SLCO1B3: variants seen among roughly 807,000 people sequenced by gnomAD.
SLCO1B3 encodes liver-specific organic anion transporter 2.
A neutral mutation model predicts 71.8 loss-of-function variants in SLCO1B3; 72 were observed. The ratio of observed to expected loss-of-function variants is 1.00; its 90% CI spans 0.83 to 1.22. The LOEUF (loss-of-function observed/expected upper bound fraction) is 1.22. Among genes scored for constraint, SLCO1B3 ranks in the 50% most tolerant of loss-of-function variants. SLCO1B3 has a pLI of 0.00. For missense variants in SLCO1B3, 911 were observed against 819.7 expected (o/e 1.11, Z -1.36); for synonymous variants, 298 against 278.4 (o/e 1.07, Z -0.70).
chr12:20,822,410 G>A (rs562040973), intron 3 of SLCO1B3, among the ~76,000 whole-genome samples: 1 of 152,222 alleles, frequency 6.6e-6, no homozygotes, highest in Non-Finnish European at 1.5e-5. Context: ...CGGTGGGGGA[G>A]CTTCTGAGCC....
At chr12:20,868,605 G>A (rs1306740922) in intron 8 of SLCO1B3, among the ~76,000 whole-genome samples, 2 of 152,026 alleles carry the variant, frequency 1.3e-5, no homozygotes, top group South Asian at 2.1e-4. Flanking sequence ...CCACAGATTT[G>A]GTGGGTCTCT....
chr12:20,876,267 A>G (rs576296260), intron 9 of SLCO1B3, among the ~76,000 whole-genome samples: 2 of 152,244 alleles, frequency 1.3e-5, no homozygotes, highest in Non-Finnish European at 1.5e-5. Context: ...TTGAGAAGCA[A>G]TAATCAAGAG....
rs746996051 is a variant in SLCO1B3 at position 20,815,689 on chromosome 12, C to A, written c.-50C>A. On this transcript the variant is annotated 5_prime_UTR_variant, in exon 3 of 16. Transcript: ENST00000381545. The stretch of plus-strand genomic sequence containing the variant: ...TTTTTAACAGGTGATCATTTCAAAC[C>A]AAGCATCAGCAACAATTAAAAATAT... 2 of 1,212,252 alleles carry A rather than the reference C, an allele frequency of 1.6e-6. No individual in the cohort carries two copies. Among genetic ancestry groups the A allele is most frequent in the Admixed American group, 1.8e-5 (1 of 54,848 alleles). 75.1% of individuals were successfully genotyped at this position (1,212,252 alleles called of 1,614,324 possible).
intron 3 of SLCO1B3, among the ~76,000 whole-genome samples, chr12:20,849,116 A>C (rs1864971902): frequency 6.6e-6 from 1 of 152,020 alleles, no homozygotes; most frequent in South Asian, 2.1e-4. Flanking sequence ...TTTTTTTGTG[A>C]ATCTAAATTG....
intron 3 of SLCO1B3, chr12:20,845,059 A>G (rs1009867729): frequency 2.9e-5 from 10 of 344,230 alleles, no homozygotes; most frequent in South Asian, 1.0e-4. Context: ...CACCAGTTCT[A>G]TCCCTCTAAG....
chr12:20,815,745 C>A lies in SLCO1B3; in HGVS notation c.7C>A (p.Gln3Lys). 1.3e-6 allele frequency: 2 copies of A among 1,579,586 alleles called. No homozygotes were observed. Among genetic ancestry groups the A allele is most frequent in the Non-Finnish European group, 1.7e-6 (2 of 1,156,440 alleles). MD[Q>K]HQHLNKTAES... Reference sequence around the variant, plus strand: ...TGGTATCTGTAGTTTAATAATGGACCAACATCAACATTTGAATAAAACAGC... The same window carrying A: ...TGGTATCTGTAGTTTAATAATGGACAAACATCAACATTTGAATAAAACAGC... The change falls in exon 3 of 16, where the codon CAA becomes AAA. Residue 3 changes from glutamine to lysine, a missense_variant. Gln to Lys is a moderately conservative substitution (Grantham distance 53, BLOSUM62 1). Transcript: ENST00000381545.
chr12:20,844,145 ATG>A (rs915655493), intron 3 of SLCO1B3, among the ~76,000 whole-genome samples: 26 of 151,826 alleles, frequency 1.7e-4, no homozygotes, highest in African/African-American at 5.6e-4. Context: ...GTGTATATAT[ATG>A]TGTGTGTGTG....
intron 3 of SLCO1B3, among the ~76,000 whole-genome samples, chr12:20,842,039 G>A (rs1864815063): frequency 6.6e-6 from 1 of 152,024 alleles, no homozygotes; most frequent in South Asian, 2.1e-4. Context: ...GGGATTACAG[G>A]CACATGCCAC....
intron 8 of SLCO1B3, among the ~76,000 whole-genome samples, chr12:20,867,418 A>G (rs572896555): frequency 6.6e-6 from 1 of 151,758 alleles, no homozygotes; most frequent in African/African-American, 2.4e-5. Flanking sequence ...TTATGAAGAG[A>G]TTGTGGATAT....
chr12:20,820,218 A>G (rs1565576588), intron 3 of SLCO1B3, among the ~76,000 whole-genome samples: 1 of 152,120 alleles, frequency 6.6e-6, no homozygotes, highest in Non-Finnish European at 1.5e-5. Context: ...AGTTACCTAA[A>G]GCTCGGCGTC....
chr12:20,811,916 T>C (rs1864116309), intron 1 of SLCO1B3, among the ~76,000 whole-genome samples: 1 of 149,910 alleles, frequency 6.7e-6, no homozygotes, highest in Non-Finnish European at 1.5e-5. Flanking sequence ...TTTTTTTTTT[T>C]TTTTTTTTGA....
At position 20,916,444 on chromosome 12, in the gene SLCO1B3, T is replaced by G; in HGVS notation, c.*197T>G. 2.1e-6 allele frequency: 1 copy of G among 467,992 alleles called. No homozygotes were observed. Among genetic ancestry groups the G allele is most frequent in the Non-Finnish European group, 3.8e-6 (1 of 265,230 alleles). 29.0% of individuals were successfully genotyped at this position (467,992 alleles called of 1,614,324 possible). A position where few individuals can be genotyped will look rare whatever the true frequency, so the allele number is the denominator to read the frequency against. ...TTAGAATATATGATCCATAAAAATTTAAAGTGAGAGGCATGGTTAGTGTGT... is the reference window on the plus strand; with the variant it reads ...TTAGAATATATGATCCATAAAAATTGAAAGTGAGAGGCATGGTTAGTGTGT... On this transcript the variant is annotated 3_prime_UTR_variant, in exon 16 of 16. Coordinates refer to ENST00000381545, the MANE Select transcript of SLCO1B3 (RefSeq NM_019844.4).
chr12:20,853,877 C>T (rs541317499), intron 3 of SLCO1B3, among the ~76,000 whole-genome samples: 2 of 151,730 alleles, frequency 1.3e-5, no homozygotes, highest in East Asian at 3.9e-4. Context: ...GTGCTGCTTC[C>T]ACTGCATCAC....
chr12:20,847,698 AAT>A (rs71043206), intron 3 of SLCO1B3, among the ~76,000 whole-genome samples: 7 of 150,318 alleles, frequency 4.7e-5, no homozygotes, highest in Admixed American at 6.7e-5. Flanking sequence ...AGAAGCAGAA[AAT>A]ATATATATAT....
chr12:20,828,919 G>A (rs1183709438), intron 3 of SLCO1B3, among the ~76,000 whole-genome samples: 3 of 152,044 alleles, frequency 2.0e-5, no homozygotes, highest in Non-Finnish European at 4.4e-5. Flanking sequence ...CTCTTGGCTT[G>A]GCTAGGAATA....
chr12:20,889,168 G>C (rs1865852352), intron 13 of SLCO1B3, among the ~76,000 whole-genome samples: 1 of 144,596 alleles, frequency 6.9e-6, no homozygotes, highest in African/African-American at 2.6e-5. Flanking sequence ...TCTTTTATTT[G>C]TTATGTACTT....
intron 3 of SLCO1B3, among the ~76,000 whole-genome samples, chr12:20,852,622 A>C (rs1168977587): frequency 6.6e-6 from 1 of 152,186 alleles, no homozygotes; most frequent in East Asian, 1.9e-4. Flanking sequence ...TTATTTTGGT[A>C]ATATTTAATA....
intron 9 of SLCO1B3, among the ~76,000 whole-genome samples, chr12:20,875,906 G>A (rs180977755): frequency 2.6e-5 from 4 of 151,942 alleles, no homozygotes; most frequent in East Asian, 1.9e-4. Context: ...ATATTAAGAC[G>A]TATATAGATC....
chr12:20,816,805 A>T (rs974624448), intron 3 of SLCO1B3, among the ~76,000 whole-genome samples: 3 of 152,118 alleles, frequency 2.0e-5, no homozygotes, highest in African/African-American at 7.2e-5. Context: ...ACTAATTTTT[A>T]TTGCTACCAA....
Sources: gnomAD v4.1 joint callset for allele counts (sites outside exome capture counted in the v4.1 genomes callset) on GRCh38, gnomAD v4.1.1 for gene constraint, MANE v1.5 for transcripts, NCBI Gene and HGNC (gene_info 2026-07-23, HGNC 2026-07-21) for gene names.